Variants in RTL4 observed in about 807,000 individuals in gnomAD.
The protein encoded by RTL4 is retrotransposon Gag like 4, also known as retrotransposon Gag-like protein 4.
Under a neutral mutation model 5.3 loss-of-function variants are expected in RTL4, and 4 were observed. That is an observed-to-expected ratio of 0.75 (90% CI 0.37 to 1.72). The LOEUF is 1.72. RTL4 is among the 40% of genes most tolerant of loss of function. The probability of loss-of-function intolerance (pLI) is 0.04; values close to 1 mark genes in which losing one functional copy is unlikely to be tolerated. For missense variants in RTL4, 260 were observed against 227.1 expected (o/e 1.14, Z -0.93); for synonymous variants, 98 against 87.3 (o/e 1.12, Z -0.68).
chrX:112,217,912 TAAAA>T, the RTL4 span, among the ~76,000 whole-genome samples: 1 of 110,953 alleles, frequency 9.0e-6, no homozygotes, highest in Non-Finnish European at 1.9e-5. Context: ...ATCAAAAAGA[TAAAA>T]AAAGAACCTC....
At chrX:112,108,278 A>G in the RTL4 span, among the ~76,000 whole-genome samples, 5 of 111,900 alleles carry the variant, frequency 4.5e-5, no homozygotes, top group East Asian at 1.4e-3. Flanking sequence ...GTTATTTTGA[A>G]TTCTTTGTGT....
At chrX:112,376,747 T>C in the RTL4 span, among the ~76,000 whole-genome samples, 103 of 112,185 alleles carry the variant, frequency 9.2e-4, no homozygotes, top group Admixed American at 1.5e-3. Flanking sequence ...AGCTACTCGG[T>C]ATATGGCCAC....
chrX:112,113,781 G>T, the RTL4 span, among the ~76,000 whole-genome samples: 1 of 111,669 alleles, frequency 9.0e-6, no homozygotes, highest in Non-Finnish European at 1.9e-5. Context: ...AAGTATCCTT[G>T]CCAACCACAC....
chrX:112,341,345 C>A, the RTL4 span, among the ~76,000 whole-genome samples: 1 of 111,864 alleles, frequency 8.9e-6, no homozygotes, highest in African/African-American at 3.2e-5. Context: ...AGCACCAAAT[C>A]TTTAACCAGT....
the RTL4 span, among the ~76,000 whole-genome samples, chrX:112,126,929 C>T: frequency 9.0e-6 from 1 of 111,501 alleles, no homozygotes; most frequent in Non-Finnish European, 1.9e-5. Context: ...AAGCAGTAAT[C>T]AAAAACATCC....
chrX:112,249,790 T>TAGAGAG, the RTL4 span, among the ~76,000 whole-genome samples: 398 of 99,775 alleles, frequency 4.0e-3, no homozygotes, highest in Non-Finnish European at 6.2e-3. Flanking sequence ...TATATATATA[T>TAGAGAG]ATAGAGAGAG....
chrX:112,365,069 G>T, the RTL4 span, among the ~76,000 whole-genome samples: 3 of 111,079 alleles, frequency 2.7e-5, no homozygotes, highest in African/African-American at 9.8e-5. Flanking sequence ...CATGGAGTAG[G>T]TGCCTAATCC....
At chrX:112,112,048 A>G in the RTL4 span, among the ~76,000 whole-genome samples, 1 of 111,831 alleles carries the variant, frequency 8.9e-6, no homozygotes, top group Non-Finnish European at 1.9e-5. Context: ...ATTCCAGACA[A>G]TGAGATCCTT....
chrX:112,121,333 G>A, the RTL4 span, among the ~76,000 whole-genome samples: 1 of 111,675 alleles, frequency 9.0e-6, no homozygotes, highest in Non-Finnish European at 1.9e-5. Flanking sequence ...TTATAATACA[G>A]CAGAAATTAA....
the RTL4 span, among the ~76,000 whole-genome samples, chrX:112,099,752 T>A: frequency 5.4e-5 from 6 of 111,409 alleles, no homozygotes; most frequent in African/African-American, 2.0e-4. Flanking sequence ...TTTCAGAGAA[T>A]GGGATTGGTA....
the RTL4 span, among the ~76,000 whole-genome samples, chrX:112,390,081 C>T: frequency 4.2e-5 from 3 of 72,020 alleles, no homozygotes; most frequent in Admixed American, 3.8e-4. Context: ...AACCTGGGTG[C>T]CCCTCTGTTG....
At chrX:112,413,332 T>G in the RTL4 span, among the ~76,000 whole-genome samples, 5 of 111,539 alleles carry the variant, frequency 4.5e-5, no homozygotes, top group African/African-American at 1.6e-4. Flanking sequence ...TATCATGTGA[T>G]CTACCAATTC....
the RTL4 span, among the ~76,000 whole-genome samples, chrX:112,363,509 C>T: frequency 5.4e-5 from 6 of 110,251 alleles, no homozygotes; most frequent in East Asian, 1.2e-3. Flanking sequence ...GAGAGTCTTG[C>T]GTACTCATAC....
chrX:112,135,048 T>C, the RTL4 span, among the ~76,000 whole-genome samples: 14 of 112,268 alleles, frequency 1.2e-4, no homozygotes, highest in African/African-American at 4.5e-4. Context: ...TGCTCTCCTT[T>C]CTCTTAGATA....
the RTL4 span, among the ~76,000 whole-genome samples, chrX:112,162,398 G>A: frequency 3.6e-5 from 4 of 111,606 alleles, no homozygotes; most frequent in Non-Finnish European, 7.5e-5. Context: ...TAAGGACAGT[G>A]TAAAACCAAT....
At chrX:112,177,816 C>T in the RTL4 span, among the ~76,000 whole-genome samples, 1 of 111,212 alleles carries the variant, frequency 9.0e-6, no homozygotes, top group African/African-American at 3.3e-5. Context: ...ATAACTATTT[C>T]CACAAAGAGC....
At chrX:112,390,031 G>A in the RTL4 span, among the ~76,000 whole-genome samples, 7 of 92,823 alleles carry the variant, frequency 7.5e-5, no homozygotes, top group South Asian at 3.8e-3. Context: ...TTGTGTGGGA[G>A]TCTGTGGCTC....
the RTL4 span, among the ~76,000 whole-genome samples, chrX:112,097,923 A>C: frequency 9.0e-6 from 1 of 111,133 alleles, no homozygotes; most frequent in Non-Finnish European, 1.9e-5. Context: ...TTTGAGCTAG[A>C]CACTGTGCTA....
chrX:112,402,278 G>A, the RTL4 span, among the ~76,000 whole-genome samples: 1 of 111,529 alleles, frequency 9.0e-6, no homozygotes, highest in South Asian at 3.8e-4. Context: ...TCTTGGAGAT[G>A]CAAATCACAC....
Sources: gnomAD v4.1 joint callset for allele counts (sites outside exome capture counted in the v4.1 genomes callset) on GRCh38, gnomAD v4.1.1 for gene constraint, MANE v1.5 for transcripts, NCBI Gene and HGNC (gene_info 2026-07-23, HGNC 2026-07-21) for gene names.